Variants in SPATA1 observed in about 807,000 individuals in gnomAD.
SPATA1 encodes the protein spermatogenesis-associated protein 1.
In SPATA1, 57 loss-of-function variants were observed where a neutral mutation model predicts 59.6. The ratio of observed to expected loss-of-function variants is 0.96; its 90% CI spans 0.77 to 1.19. The LOEUF (loss-of-function observed/expected upper bound fraction) is 1.19, where lower values mean the gene tolerates loss of function less well. Ranked by LOEUF, SPATA1 falls within the 50% of genes most tolerant of loss-of-function variation. SPATA1 has a pLI of 0.00. For missense variants in SPATA1, 448 were observed against 480.7 expected, an observed-to-expected ratio of 0.93 and a Z score of 0.64; for synonymous variants, 147 against 163.9, an observed-to-expected ratio of 0.90 and a Z score of 0.79.
At chr1:84,551,310 T>TA (rs1233263828) in intron 12 of SPATA1, 6 of 970,660 alleles carry the variant, frequency 6.2e-6, no homozygotes, top group Admixed American at 6.2e-5. Flanking sequence ...TAGCTCTTTT[T>TA]AAAAAAATTT....
intron 4 of SPATA1, chr1:84,563,617 A>T: frequency 4.4e-6 from 3 of 688,402 alleles, no homozygotes; most frequent in Non-Finnish European, 6.6e-6. Flanking sequence ...AAAATAAATA[A>T]TTTTTATCTC....
downstream of SPATA1, chr1:84,555,285 G>A (rs1293144751): frequency 1.9e-6 from 2 of 1,032,642 alleles, no homozygotes; most frequent in South Asian, 2.0e-5. Flanking sequence ...GAAGTATACA[G>A]TACAGTAAGA....
chr1:84,516,169 T>A (rs1458186799), intron 1 of SPATA1, 54 bp from the exon 2 acceptor site: 1 of 503,970 alleles, frequency 2.0e-6, no homozygotes, highest in East Asian at 3.6e-5. Context: ...AAGTTTTCAT[T>A]TGTAGTTTAT....
chr1:84,511,561 G>A (rs958318041), intron 1 of SPATA1, among the ~76,000 whole-genome samples: 1 of 150,870 alleles, frequency 6.6e-6, no homozygotes. Context: ...ACACTAGGAC[G>A]TGTCTAGAAA....
chr1:84,544,289 T>G (rs763550934), exon 9 of SPATA1: 59 of 1,574,184 alleles, frequency 3.7e-5, no homozygotes, highest in Non-Finnish European at 4.9e-5. Context: ...TGATATATCT[T>G]TATTACAAAC....
intron 2 of SPATA1, among the ~76,000 whole-genome samples, chr1:84,518,607 A>G (rs564486274): frequency 3.3e-5 from 5 of 151,790 alleles, no homozygotes; most frequent in African/African-American, 1.2e-4. Context: ...AAGGTGCTGT[A>G]TGTTTCCCCT....
intron 8 of SPATA1, among the ~76,000 whole-genome samples, chr1:84,542,275 G>A (rs1281252971): frequency 6.6e-6 from 1 of 152,052 alleles, no homozygotes. Context: ...GGCCTTTTGG[G>A]GAAATGGGTA....
intron 4 of SPATA1, among the ~76,000 whole-genome samples, chr1:84,561,061 T>A (rs1321235309): frequency 6.6e-6 from 1 of 152,240 alleles, no homozygotes; most frequent in African/African-American, 2.4e-5. Flanking sequence ...GAAATAGATT[T>A]TGTAAGGCTG....
chr1:84,548,847 G>C, exon 11 of SPATA1: 1 of 1,560,350 alleles, frequency 6.4e-7, no homozygotes. Context: ...CAATGGAGGA[G>C]GTTTTAACAA....
chr1:84,535,310 T>C (rs1683631515), intron 8 of SPATA1, among the ~76,000 whole-genome samples: 2 of 152,166 alleles, frequency 1.3e-5, no homozygotes, highest in African/African-American at 2.4e-5. Context: ...AAGATCATTT[T>C]GGTGATTCTA....
downstream of SPATA1, among the ~76,000 whole-genome samples, chr1:84,556,308 A>C (rs1039570962): frequency 6.6e-6 from 1 of 152,206 alleles, no homozygotes; most frequent in Admixed American, 6.5e-5. Context: ...CTGTGACTAA[A>C]AATAATTTAC....
At chr1:84,541,951 GTTT>G (rs1168558548) in intron 8 of SPATA1, among the ~76,000 whole-genome samples, 1 of 149,760 alleles carries the variant, frequency 6.7e-6, no homozygotes, top group Non-Finnish European at 1.5e-5. Context: ...TTGTTTGTTT[GTTT>G]TTTTGTTGTT....
At chr1:84,543,867 TG>T (rs1338480741) in intron 8 of SPATA1, among the ~76,000 whole-genome samples, 1 of 151,952 alleles carries the variant, frequency 6.6e-6, no homozygotes, top group Non-Finnish European at 1.5e-5. Flanking sequence ...TGACTCAAGA[TG>T]AAAAAAATAT....
At chr1:84,550,520 T>C in exon 12 of SPATA1, 2 of 1,540,896 alleles carry the variant, frequency 1.3e-6, no homozygotes, top group African/African-American at 1.4e-5. Flanking sequence ...AAACTCATAG[T>C]AGAAGTTAAG....
At chr1:84,532,720 C>A in intron 6 of SPATA1, 140 bp from the exon 7 acceptor site, 1 of 555,662 alleles carries the variant, frequency 1.8e-6, no homozygotes, top group South Asian at 3.1e-5. Context: ...AAACTATTGA[C>A]TTATATCTAT....
At chr1:84,550,123 G>A (rs74095450) in intron 11 of SPATA1, 108 of 170,488 alleles carry the variant, frequency 6.3e-4, no homozygotes, top group African/African-American at 2.4e-3. Context: ...ATCTTATTCA[G>A]CTGATAAAGC....
downstream of SPATA1, among the ~76,000 whole-genome samples, chr1:84,556,606 C>T (rs931238670): frequency 2.7e-5 from 4 of 150,006 alleles, no homozygotes; most frequent in Admixed American, 2.0e-4. Flanking sequence ...CAGCTACTCT[C>T]GAGGCTGAGG....
chr1:84,534,959 C>A (rs1683613870), intron 8 of SPATA1, among the ~76,000 whole-genome samples: 1 of 152,086 alleles, frequency 6.6e-6, no homozygotes, highest in South Asian at 2.1e-4. Context: ...CAATCAAGAC[C>A]TCCTTTCTCT....
intron 1 of SPATA1, among the ~76,000 whole-genome samples, chr1:84,511,176 A>G (rs1456090305): frequency 1.3e-5 from 2 of 152,262 alleles, no homozygotes; most frequent in Non-Finnish European, 1.5e-5. Flanking sequence ...AAAACAAACA[A>G]TAAATGCTTG....
Sources: allele counts gnomAD v4.1 joint callset (sites outside exome capture counted in the v4.1 genomes callset), GRCh38; gene constraint gnomAD v4.1.1; transcripts MANE v1.5; gene names NCBI Gene and HGNC (gene_info 2026-07-23, HGNC 2026-07-21).